XXYLT1: variants seen among roughly 807,000 people sequenced by gnomAD.
The protein encoded by XXYLT1 is xyloside xylosyltransferase 1.
A neutral mutation model predicts 28.9 loss-of-function variants in XXYLT1; 20 were observed. That is an observed-to-expected ratio of 0.69 (90% confidence interval 0.49 to 1.00). The LOEUF is 1.00. Ranked by LOEUF, XXYLT1 falls within the 50% of genes least tolerant of loss-of-function variation. The pLI is 0.00. For missense variants in XXYLT1, 542 were observed against 560.1 expected (o/e 0.97, Z 0.33); for synonymous variants, 257 against 253.8 (o/e 1.01, Z -0.12).
chr3:195,128,357 C>T (rs1718741271), intron 3 of XXYLT1, among the ~76,000 whole-genome samples: 1 of 152,116 alleles, frequency 6.6e-6, no homozygotes, highest in Non-Finnish European at 1.5e-5. Flanking sequence ...TCCAGCTGCC[C>T]CCCTTAAATC....
At chr3:195,156,371 C>A (rs1720588963) in intron 3 of XXYLT1, 78 bp downstream of exon 3, 1 of 1,562,776 alleles carries the variant, frequency 6.4e-7, no homozygotes, top group Middle Eastern at 1.9e-4. Context: ...AAATCCCAAT[C>A]TGTCACGGCT....
At chr3:195,118,095 C>G (rs529090433) in intron 3 of XXYLT1, among the ~76,000 whole-genome samples, 1 of 152,164 alleles carries the variant, frequency 6.6e-6, no homozygotes, top group Non-Finnish European at 1.5e-5. Flanking sequence ...AGAGATAATG[C>G]CCCCCTGGGC....
rs1721894541 is a variant in XXYLT1, at chr3:195,180,465, C to T, written c.653-23884G>A. On this transcript the variant is annotated intron_variant, in intron 2 of 3. Coordinates refer to ENST00000310380, the MANE Select transcript of XXYLT1 (RefSeq NM_152531.5). This position sits in a 1 kb window ranked among gnomAD's most constrained non-coding sequence, Gnocchi z 5.8. ...TCTCATTTCATGAACTTCTTTTGAA[C>T]AATTTCCTGTTCCTTTTTCTTTCTA... 2.0e-6 allele frequency: 2 copies of T among 985,586 alleles called. No individual in the cohort carries two copies. The highest frequency in any genetic ancestry group is 2.4e-6 in the Non-Finnish European group (2 of 830,044). 61.1% of individuals were successfully genotyped at this position (985,586 alleles called of 1,614,324 possible).
chr3:195,105,385 A>G (rs1560096940), intron 3 of XXYLT1, among the ~76,000 whole-genome samples: 1 of 152,240 alleles, frequency 6.6e-6, no homozygotes, highest in Non-Finnish European at 1.5e-5. Flanking sequence ...GTGACTGGAG[A>G]GTACAGCTGT....
At chr3:195,136,143 C>A (rs1719185980) in intron 3 of XXYLT1, among the ~76,000 whole-genome samples, 1 of 152,150 alleles carries the variant, frequency 6.6e-6, no homozygotes, top group South Asian at 2.1e-4. Context: ...GCGATAACAT[C>A]ATTTTGCTGG....
intron 3 of XXYLT1, among the ~76,000 whole-genome samples, chr3:195,080,972 C>T (rs972900236): frequency 6.6e-6 from 1 of 152,248 alleles, no homozygotes. Context: ...AGGGCCCCCA[C>T]CTTTGGCTGT....
chr3:195,122,273 G>A (rs1404663593), intron 3 of XXYLT1: 20 of 671,114 alleles, frequency 3.0e-5, no homozygotes, highest in Non-Finnish European at 5.2e-5. Context: ...TGAATTTTGG[G>A]GGGATACAAT....
chr3:195,128,103 C>T (rs1387102311), intron 3 of XXYLT1, among the ~76,000 whole-genome samples: 4 of 152,304 alleles, frequency 2.6e-5, no homozygotes. Flanking sequence ...GGGAAGCTGA[C>T]GGCACATGGC....
In XXYLT1 at chr3:195,128,372, C is replaced by T. The variant is rs149584157; in HGVS notation, c.785+28077G>A. 2.5e-3 allele frequency among the ~76,000 whole-genome samples: 387 copies of T among 152,302 alleles called. 1 individual carries two copies. The Middle Eastern group carries it at 0.027, about 11-fold the overall frequency. ...TCCAGCTGCCCCCCTTAAATCTCAT[C>T]TCAGCCCCAGGTATTCATGTTTTCA... On this transcript the variant is annotated intron_variant, in intron 3 of 3. Transcript: ENST00000310380.
At position 195,124,172 on chromosome 3, in the gene XXYLT1, C is replaced by G. The variant is rs541945821; in HGVS notation, c.785+32277G>C. On this transcript the variant is annotated intron_variant, in intron 3 of 3. Transcript: ENST00000310380. This position sits in a 1 kb window ranked among gnomAD's most constrained non-coding sequence, Gnocchi z 4.1. ...GGAACTCACCTCGAGAAGTGTGGGTCTAGACCACAGCCCTCATTTTACAGA... is the reference window on the plus strand; with the variant it reads ...GGAACTCACCTCGAGAAGTGTGGGTGTAGACCACAGCCCTCATTTTACAGA... Among the ~76,000 whole-genome samples the G allele has an allele frequency of 1.1e-4, 17 of 152,230 alleles. No individual in the cohort carries two copies. The highest frequency in any genetic ancestry group is 2.2e-4 in the Non-Finnish European group (15 of 68,048).
rs1235105892 is a variant in XXYLT1, at chr3:195,109,752, T to C, written c.786-39641A>G. On this transcript the variant is annotated intron_variant, in intron 3 of 3. Coordinates refer to ENST00000310380, the MANE Select transcript of XXYLT1 (RefSeq NM_152531.5). Reference sequence around the variant, plus strand: ...TGTGTGGTGTATGTGTTCAGGTATGTATGTGAGTGTGGGGCTGGGTGTGTG... The same window carrying C: ...TGTGTGGTGTATGTGTTCAGGTATGCATGTGAGTGTGGGGCTGGGTGTGTG... Among the ~76,000 whole-genome samples, 2 of 66,680 alleles carry C rather than the reference T, an allele frequency of 3.0e-5. 1 individual carries two copies. Among genetic ancestry groups the C allele is most frequent in the Non-Finnish European group, 7.5e-5 (2 of 26,796 alleles). 43.7% of individuals were successfully genotyped at this position (66,680 alleles called of 152,430 possible).
rs1725452506 is a variant in XXYLT1, at chr3:195,255,696, G to C, written c.504+14859C>G. ...GAGACCATGAGTGCAGGGAACCAGA[G>C]AGGGCACAGGAGAGCTGCTCCCAGT... On this transcript the variant is annotated intron_variant, in intron 1 of 3. Transcript: ENST00000310380. The surrounding 1 kb of genome is among the most constrained non-coding windows in gnomAD (Gnocchi z 4.5). 6.6e-6 allele frequency among the ~76,000 whole-genome samples: 1 copy of C among 152,224 alleles called. No individual in the cohort carries two copies. The highest frequency in any genetic ancestry group is 2.4e-5 in the African/African-American group (1 of 41,456).
chr3:195,251,272 G>A (rs1385668433), intron 1 of XXYLT1, among the ~76,000 whole-genome samples: 1 of 152,258 alleles, frequency 6.6e-6, no homozygotes, highest in Non-Finnish European at 1.5e-5. Flanking sequence ...CAAAAATCAA[G>A]TGGATGACCA....
Position 195,168,312 on chromosome 3 carries a change from A to G in XXYLT1, c.653-11731T>C, listed in dbSNP as rs755256252. Among the ~76,000 whole-genome samples, 1 of 152,206 alleles carries G rather than the reference A, an allele frequency of 6.6e-6. No homozygotes were observed. The highest frequency in any genetic ancestry group is 1.5e-5 in the Non-Finnish European group (1 of 68,030). On this transcript the variant is annotated intron_variant, in intron 2 of 3. Transcript: ENST00000310380. The surrounding 1 kb of genome is among the most constrained non-coding windows in gnomAD (Gnocchi z 4.3). ...TTTGTTCTCAGAACAGCACAAATAT[A>G]TCATCAGACACAGGAGATATACTCT...
At chr3:195,217,114 C>G (rs1340558012) in intron 2 of XXYLT1, among the ~76,000 whole-genome samples, 7 of 132,284 alleles carry the variant, frequency 5.3e-5, no homozygotes, top group Admixed American at 1.5e-4. Context: ...ATTCAACAAC[C>G]CTTCATGCTA....
chr3:195,121,686 C>T (rs893438277), intron 3 of XXYLT1, among the ~76,000 whole-genome samples: 1 of 152,162 alleles, frequency 6.6e-6, no homozygotes, highest in Non-Finnish European at 1.5e-5. Flanking sequence ...AGAATGGCAC[C>T]CAAAACAAGA....
At position 195,108,883 on chromosome 3, in the gene XXYLT1, C is replaced by T. The variant is rs1458660783; in HGVS notation, c.786-38772G>A. ...GCTAGAAAGTAAATCCAAGGATGTC[C>T]TTACAACACCCTACTGGTAACGTCA... On this transcript the variant is annotated intron_variant, in intron 3 of 3. Coordinates refer to ENST00000310380, the MANE Select transcript of XXYLT1 (RefSeq NM_152531.5). Among the ~76,000 whole-genome samples, 2 of 152,328 alleles carry T rather than the reference C, an allele frequency of 1.3e-5. 1 individual carries two copies. Among genetic ancestry groups the T allele is most frequent in the Middle Eastern group, 6.8e-3 (2 of 294 alleles).
intron 3 of XXYLT1, among the ~76,000 whole-genome samples, chr3:195,102,158 ATGTCTTC>A (rs1716827245): frequency 6.6e-6 from 1 of 152,206 alleles, no homozygotes; most frequent in South Asian, 2.1e-4. Context: ...AATAGAATGA[ATGTCTTC>A]TGAATTCTAT....
intron 2 of XXYLT1, among the ~76,000 whole-genome samples, chr3:195,167,553 T>C (rs908211671): frequency 4.6e-5 from 7 of 152,206 alleles, no homozygotes; most frequent in African/African-American, 1.7e-4. Flanking sequence ...ATCACACCAC[T>C]GCACTCCAGC....
Sources: gnomAD v4.1 joint callset for allele counts (sites outside exome capture counted in the v4.1 genomes callset) on GRCh38, gnomAD v4.1.1 for gene constraint, Gnocchi (gnomAD v3.1) non-coding constraint, MANE v1.5 for transcripts, NCBI Gene and HGNC (gene_info 2026-07-23, HGNC 2026-07-21) for gene names.